Variants in CCDC171 observed in about 807,000 individuals in gnomAD.
The protein encoded by CCDC171 is coiled-coil domain-containing protein 171.
Under a neutral mutation model 168.2 loss-of-function variants are expected in CCDC171, and 177 were observed. That is an observed-to-expected ratio of 1.05 (90% confidence interval 0.93 to 1.19). The LOEUF (loss-of-function observed/expected upper bound fraction) is 1.19, where lower values mean the gene tolerates loss of function less well. Among genes scored for constraint, CCDC171 ranks in the 50% most tolerant of loss-of-function variants. CCDC171 has a pLI of 0.00. For synonymous variants in CCDC171, 687 were observed against 540.8 expected, an observed-to-expected ratio of 1.27 and a Z score of -3.75; for missense variants, 1,991 against 1,539.0, an observed-to-expected ratio of 1.29 and a Z score of -4.91.
intron 18 of CCDC171, among the ~76,000 whole-genome samples, chr9:15,759,911 C>T (rs948577020): frequency 2.6e-5 from 4 of 151,978 alleles, no homozygotes; most frequent in Non-Finnish European, 4.4e-5. Flanking sequence ...GGACAGGTAG[C>T]AGGAATATCA....
chr9:15,791,683 G>A (rs7873776), intron 21 of CCDC171, among the ~76,000 whole-genome samples: 69,096 of 151,888 alleles, frequency 0.45, 16,076 homozygotes, highest in East Asian at 0.65. Context: ...AGTTTTCAAA[G>A]GGAACTCTGC....
chr9:15,634,110 G>T (rs1023353386), intron 7 of CCDC171, among the ~76,000 whole-genome samples: 1 of 152,018 alleles, frequency 6.6e-6, no homozygotes, highest in Non-Finnish European at 1.5e-5. Flanking sequence ...CACCAGCATG[G>T]CACATGTTTA....
intron 23 of CCDC171, among the ~76,000 whole-genome samples, chr9:15,852,790 A>G (rs1042655718): frequency 1.3e-5 from 2 of 148,896 alleles, no homozygotes; most frequent in Admixed American, 1.3e-4. Flanking sequence ...CATTTTTTTT[A>G]TATGGCAATC....
intron 24 of CCDC171, among the ~76,000 whole-genome samples, chr9:15,906,814 C>G (rs1366937611): frequency 6.6e-6 from 1 of 152,098 alleles, no homozygotes; most frequent in African/African-American, 2.4e-5. Flanking sequence ...TGATAAGCGA[C>G]TTCAGCAAAG....
intron 8 of CCDC171, among the ~76,000 whole-genome samples, chr9:16,037,066 T>A (rs1010198075): frequency 5.9e-5 from 9 of 152,208 alleles, no homozygotes; most frequent in Non-Finnish European, 2.9e-5. Flanking sequence ...AAGAATAAGT[T>A]CTAATGTTCT....
intron 7 of CCDC171, among the ~76,000 whole-genome samples, chr9:15,639,626 T>G (rs957049576): frequency 1.3e-5 from 2 of 152,158 alleles, no homozygotes; most frequent in Non-Finnish European, 2.9e-5. Flanking sequence ...ATTGTCAGCC[T>G]ATTGTCCTCA....
At chr9:15,586,348 G>C (rs1188872764) in intron 4 of CCDC171, among the ~76,000 whole-genome samples, 1 of 152,146 alleles carries the variant, frequency 6.6e-6, no homozygotes, top group Non-Finnish European at 1.5e-5. Flanking sequence ...AGTGTAAAAA[G>C]CCTAATGCAG....
chr9:16,069,911 A>T, the CCDC171 span, among the ~76,000 whole-genome samples: 76 of 152,068 alleles, frequency 5.0e-4, no homozygotes, highest in Non-Finnish European at 1.9e-4. Context: ...CTAACATTGG[A>T]TGTGATTGCC....
chr9:15,679,018 A>G lies in CCDC171; in HGVS notation c.1215+122A>G, dbSNP rs1008826498. On this transcript the variant is annotated intron_variant, in intron 10 of 25. Transcript: ENST00000380701. The stretch of plus-strand genomic sequence containing the variant: ...TATGCAAGTTATTTTAGTGACATTG[A>G]TAACAAAATTTCCAAAACTGGAAAT... 1.7e-5 allele frequency: 12 copies of G among 691,886 alleles called. No individual in the cohort carries two copies. The African/African-American group carries it at 1.9e-4, about 11-fold the overall frequency. The allele number at this position is 691,886 out of a possible 1,614,324, so 42.9% of individuals were successfully genotyped here.
chr9:16,002,616 T>G (rs1363589393), intron 3 of CCDC171, among the ~76,000 whole-genome samples: 1 of 152,188 alleles, frequency 6.6e-6, no homozygotes, highest in East Asian at 1.9e-4. Flanking sequence ...GAAAGAAAAG[T>G]ATTTTTATAA....
chr9:15,892,077 G>A (rs1019732317), intron 24 of CCDC171, among the ~76,000 whole-genome samples: 1 of 152,142 alleles, frequency 6.6e-6, no homozygotes, highest in African/African-American at 2.4e-5. Flanking sequence ...GTTTCAATAT[G>A]AAATTTTAAA....
intron 24 of CCDC171, among the ~76,000 whole-genome samples, chr9:15,881,999 G>C (rs1818716963): frequency 6.6e-6 from 1 of 152,100 alleles, no homozygotes; most frequent in African/African-American, 2.4e-5. Flanking sequence ...TCTATTTTTA[G>C]TTTTTTGAGG....
intron 25 of CCDC171, among the ~76,000 whole-genome samples, chr9:15,940,772 T>A (rs1827620221): frequency 6.6e-6 from 1 of 151,854 alleles, no homozygotes; most frequent in Non-Finnish European, 1.5e-5. Context: ...TTGCCTCTAG[T>A]CCCAGCTACT....
intron 21 of CCDC171, among the ~76,000 whole-genome samples, chr9:15,803,333 A>G (rs187546985): frequency 6.6e-6 from 1 of 150,448 alleles, no homozygotes; most frequent in East Asian, 1.9e-4. Context: ...ATCTTTGCCC[A>G]TGCCTATGTC....
intron 18 of CCDC171, among the ~76,000 whole-genome samples, chr9:15,747,087 A>G (rs1354552502): frequency 6.6e-6 from 1 of 152,186 alleles, no homozygotes; most frequent in Non-Finnish European, 1.5e-5. Context: ...GGCGTCTGCC[A>G]TTGCCAAGGC....
chr9:15,626,829 A>G (rs935836611), intron 7 of CCDC171, among the ~76,000 whole-genome samples: 27 of 152,226 alleles, frequency 1.8e-4, no homozygotes, highest in African/African-American at 4.8e-5. Context: ...TGCTGGCCTC[A>G]TAAAATGACT....
intron 21 of CCDC171, among the ~76,000 whole-genome samples, chr9:15,835,281 C>G (rs1234526919): frequency 6.6e-6 from 1 of 152,052 alleles, no homozygotes; most frequent in Non-Finnish European, 1.5e-5. Flanking sequence ...TATTTATTTA[C>G]CATTTGATAA....
intron 24 of CCDC171, among the ~76,000 whole-genome samples, chr9:15,900,629 A>G (rs1400859373): frequency 6.6e-6 from 1 of 152,214 alleles, no homozygotes; most frequent in East Asian, 1.9e-4. Context: ...TGCAGCATGC[A>G]ATACAGATTT....
In CCDC171 at chr9:15,724,824, C is replaced by T. The variant is rs1316970995; in HGVS notation, c.1540C>T (p.His514Tyr). 2 of 1,613,606 alleles carry T rather than the reference C, an allele frequency of 1.2e-6. No individual in the cohort carries two copies. The highest frequency in any genetic ancestry group is 2.2e-5 in the South Asian group (2 of 91,072). ...ADVNKELSHL[H>Y]TKCADREALI... ...TGTTAATAAAGAGTTAAGTCATTTA[C>T]ACACTAAATGTGCAGACCGAGAGGC... The change falls in exon 14 of 26, where the codon CAC becomes TAC. Residue 514 changes from histidine (H) to tyrosine (Y), a missense_variant. Coordinates refer to ENST00000380701, the MANE Select transcript of CCDC171 (RefSeq NM_173550.4).
Sources: allele counts gnomAD v4.1 joint callset (sites outside exome capture counted in the v4.1 genomes callset), GRCh38; gene constraint gnomAD v4.1.1; transcripts MANE v1.5; gene names NCBI Gene and HGNC (gene_info 2026-07-23, HGNC 2026-07-21).